METTL16: variants seen among roughly 807,000 people sequenced by gnomAD.
METTL16 encodes RNA N(6)-adenosine-methyltransferase METTL16.
In METTL16, 19 loss-of-function variants were observed where a neutral mutation model predicts 57.9. The observed-to-expected ratio is 0.33, with a 90% CI of 0.23 to 0.48. METTL16 has a LOEUF of 0.48. Ranked by LOEUF, METTL16 falls within the 20% of genes least tolerant of loss-of-function variation. The pLI is 0.99. For missense variants in METTL16, 434 were observed against 691.5 expected (o/e 0.63, Z 4.18); for synonymous variants, 246 against 255.6 (o/e 0.96, Z 0.36).
At chr17:2,481,171 G>A (rs1451140581) in intron 2 of METTL16, among the ~76,000 whole-genome samples, 5 of 150,702 alleles carry the variant, frequency 3.3e-5, no homozygotes, top group Non-Finnish European at 4.4e-5. Context: ...TGAAGCCACC[G>A]CACTCCCGTA....
intron 1 of METTL16, among the ~76,000 whole-genome samples, chr17:2,506,823 T>C (rs1317275456): frequency 1.5e-5 from 2 of 129,816 alleles, no homozygotes; most frequent in African/African-American, 6.2e-5. Context: ...CCGGCCGCCA[T>C]CCCATCTAGG....
intron 2 of METTL16, among the ~76,000 whole-genome samples, chr17:2,496,476 A>T (rs1164939913): frequency 3.3e-5 from 5 of 151,576 alleles, no homozygotes; most frequent in Admixed American, 2.0e-4. Context: ...ACATGTTTTT[A>T]AAAATTTCTA....
chr17:2,450,765 A>T (rs1022721446), intron 6 of METTL16, among the ~76,000 whole-genome samples: 1 of 152,146 alleles, frequency 6.6e-6, no homozygotes, highest in African/African-American at 2.4e-5. Context: ...AAATTCACCT[A>T]ATCGCATTAA....
intron 4 of METTL16, 73 bp downstream of exon 4, chr17:2,473,451 G>C: frequency 6.7e-7 from 1 of 1,486,974 alleles, no homozygotes; most frequent in South Asian, 1.4e-5. Context: ...AAAGAAAAAG[G>C]TAATGAAATG....
At chr17:2,491,467 C>T (rs2067388271) in intron 2 of METTL16, among the ~76,000 whole-genome samples, 1 of 152,168 alleles carries the variant, frequency 6.6e-6, no homozygotes, top group South Asian at 2.1e-4. Flanking sequence ...AGCCAAAAGC[C>T]TCCCAGTGTT....
At chr17:2,422,843 G>C (rs2066777580) in intron 8 of METTL16, among the ~76,000 whole-genome samples, 2 of 20 alleles carry the variant, frequency 0.1, no homozygotes, top group Non-Finnish European at 0.17. Flanking sequence ...AATTAGCCGG[G>C]TGTGGTGGCC....
intron 7 of METTL16, among the ~76,000 whole-genome samples, chr17:2,439,574 C>G (rs1201350640): frequency 6.6e-6 from 1 of 151,980 alleles, no homozygotes; most frequent in African/African-American, 2.4e-5. Flanking sequence ...ACCTATGTAG[C>G]TTGAGTTTCT....
At chr17:2,439,502 C>T (rs1255828042) in intron 7 of METTL16, among the ~76,000 whole-genome samples, 2 of 152,052 alleles carry the variant, frequency 1.3e-5, no homozygotes, top group East Asian at 1.9e-4. Context: ...CACAGGGGAC[C>T]GAGACCGTGT....
At chr17:2,498,464 G>A (rs2067462818) in intron 2 of METTL16, among the ~76,000 whole-genome samples, 2 of 151,572 alleles carry the variant, frequency 1.3e-5, no homozygotes, top group South Asian at 2.1e-4. Flanking sequence ...TCAGCTGGGC[G>A]CGGTGGCTCA....
chr17:2,467,680 C>T (rs950336110), intron 5 of METTL16, 81 bp downstream of exon 5: 50 of 1,016,102 alleles, frequency 4.9e-5, no homozygotes, highest in South Asian at 2.6e-4. Context: ...CCCGCCTTGG[C>T]CTCCCAAAGT....
chr17:2,430,412 C>CTTT (rs903960118), intron 8 of METTL16, among the ~76,000 whole-genome samples: 169 of 118,516 alleles, frequency 1.4e-3, no homozygotes, highest in East Asian at 3.2e-3. Flanking sequence ...TTAGAATTCT[C>CTTT]TTTTTTTTTT....
rs61733475 is a variant in METTL16, at chr17:2,420,114, C to T, written c.1545G>A (p.Leu515=). ...TCTTAACGTTTATCAAACACTTAAA[C>T]AGGTACTGTCCGGCCACTCCTGGGA... ...KRLPGVAGQY[L]FKCLINVKKE... Residue 515 remains leucine (L), a synonymous_variant, in exon 10 of 10, where the codon CTG becomes CTA. Coordinates refer to ENST00000263092, the MANE Select transcript of METTL16 (RefSeq NM_024086.4). The surrounding 1 kb of genome is among the most constrained non-coding windows in gnomAD (Gnocchi z 5.4). The T allele has an allele frequency of 4.7e-4, 763 of 1,614,250 alleles. 5 individuals carry two copies. In the African/African-American group the frequency reaches 8.9e-3, roughly 19 times the overall value.
chr17:2,483,599 G>T (rs566361291), intron 2 of METTL16, among the ~76,000 whole-genome samples: 1 of 152,092 alleles, frequency 6.6e-6, no homozygotes, highest in Admixed American at 6.6e-5. Flanking sequence ...CAACAACCAC[G>T]AACACATTTC....
At chr17:2,508,128 A>T (rs892374733) in intron 1 of METTL16, among the ~76,000 whole-genome samples, 1 of 152,140 alleles carries the variant, frequency 6.6e-6, no homozygotes, top group South Asian at 2.1e-4. Context: ...ATCAATAAAA[A>T]AAAAAAAAAA....
rs894890132 is a variant in METTL16 at position 2,509,907 on chromosome 17, G to A, written c.-1+1852C>T. Among the ~76,000 whole-genome samples the A allele has an allele frequency of 4.0e-4, 55 of 136,908 alleles. 1 individual carries two copies. Among genetic ancestry groups the A allele is most frequent in the Middle Eastern group, 4.5e-3 (1 of 220 alleles). The allele number at this position is 136,908 out of a possible 152,430, so 89.8% of individuals were successfully genotyped here. ...CAGCCTGGTGACAGAGCAACACTCC[G>A]TCTCAAAAAAAAAAAAAAAATTAGC... On this transcript the variant is annotated intron_variant, in intron 1 of 9. Transcript: ENST00000263092.
chr17:2,497,948 A>G (rs547817395), intron 2 of METTL16, among the ~76,000 whole-genome samples: 3 of 151,874 alleles, frequency 2.0e-5, no homozygotes, highest in African/African-American at 7.3e-5. Context: ...TAATCCCAGC[A>G]CTTTGGGAGG....
chr17:2,489,099 A>G (rs2067364719), intron 2 of METTL16, among the ~76,000 whole-genome samples: 1 of 140,448 alleles, frequency 7.1e-6, no homozygotes, highest in African/African-American at 2.7e-5. Flanking sequence ...CAATCAAGCT[A>G]AACTTTTCAT....
intron 8 of METTL16, 61 bp downstream of exon 8, chr17:2,438,048 T>A: frequency 8.4e-7 from 1 of 1,192,162 alleles, no homozygotes; most frequent in Non-Finnish European, 1.3e-6. Flanking sequence ...AGTTCACTTA[T>A]GATGGACTGA....
At chr17:2,483,455 C>G (rs1472111434) in intron 2 of METTL16, among the ~76,000 whole-genome samples, 1 of 152,106 alleles carries the variant, frequency 6.6e-6, no homozygotes, top group East Asian at 1.9e-4. Flanking sequence ...TAAATATATG[C>G]TAGCAATTAA....
Sources: allele counts gnomAD v4.1 joint callset (sites outside exome capture counted in the v4.1 genomes callset), GRCh38; gene constraint gnomAD v4.1.1; non-coding constraint Gnocchi (gnomAD v3.1); transcripts MANE v1.5; gene names NCBI Gene and HGNC (gene_info 2026-07-23, HGNC 2026-07-21).